Variants in TREM1 observed in about 807,000 individuals in gnomAD.
The protein encoded by TREM1 is triggering receptor expressed on monocytes 1.
A neutral mutation model predicts 22.4 loss-of-function variants in TREM1; 16 were observed. That is an observed-to-expected ratio of 0.71 (90% CI 0.48 to 1.08). The LOEUF (loss-of-function observed/expected upper bound fraction) is 1.08. Ranked by LOEUF, TREM1 falls within the 50% of genes least tolerant of loss-of-function variation. The pLI, the probability that TREM1 is intolerant of heterozygous loss-of-function variation, is 0.00. For missense variants in TREM1, 283 were observed against 282.9 expected (o/e 1.00, Z 0.00); for synonymous variants, 110 against 111.6 (o/e 0.99, Z 0.09).
intron 3 of TREM1, chr6:41,279,438 C>A: frequency 2.4e-6 from 2 of 817,058 alleles, no homozygotes; most frequent in Non-Finnish European, 3.0e-6. Context: ...CACTTAAGGC[C>A]CTCCTTCCGG....
chr6:41,280,501 A>G (rs1767860283), intron 3 of TREM1: 2 of 1,034,308 alleles, frequency 1.9e-6, no homozygotes, highest in South Asian at 3.9e-5. Context: ...TAGGTGGACA[A>G]TGTCTTCCAG....
intron 3 of TREM1, chr6:41,280,196 G>A: frequency 2.1e-6 from 2 of 965,056 alleles, no homozygotes; most frequent in Non-Finnish European, 2.5e-6. Context: ...GTGGTGATGT[G>A]GAAAAGTATT....
downstream of TREM1, among the ~76,000 whole-genome samples, chr6:41,270,664 A>G (rs1767457037): frequency 6.6e-6 from 1 of 152,072 alleles, no homozygotes; most frequent in South Asian, 2.1e-4. Context: ...TATTCCACAT[A>G]TGGTGGCCCA....
chr6:41,286,618 A>G lies in TREM1; in HGVS notation c.38T>C (p.Leu13Pro), dbSNP rs1489321882. The G allele has an allele frequency of 3.7e-6, 6 of 1,613,854 alleles. No homozygotes were observed. The highest frequency in any genetic ancestry group is 1.3e-5 in the African/African-American group (1 of 74,866). Reference sequence around the variant, plus strand: ...CTTCCTTGTCTTACCTGAGACAAAGAGCATCCACAGCAGCCCCCAGAGCCT... The same window carrying G: ...CTTCCTTGTCTTACCTGAGACAAAGGGCATCCACAGCAGCCCCCAGAGCCT... ...KTRLWGLLWM[L>P]FVSELRAATK... The change falls in exon 1 of 4, where the codon CTC becomes CCC. Residue 13 changes from leucine to proline, a missense_variant. Coordinates refer to ENST00000244709, the MANE Select transcript of TREM1 (RefSeq NM_018643.5).
intron 3 of TREM1, among the ~76,000 whole-genome samples, chr6:41,278,495 C>A (rs1323636707): frequency 6.6e-6 from 1 of 151,570 alleles, no homozygotes; most frequent in Non-Finnish European, 1.5e-5. Flanking sequence ...CACAGGGAGA[C>A]CCCCATCTCT....
intron 1 of TREM1, 110 bp downstream of exon 1, chr6:41,286,497 C>G (rs1325559655): frequency 9.0e-7 from 1 of 1,107,698 alleles, no homozygotes; most frequent in African/African-American, 1.6e-5. Flanking sequence ...GCCATAACTA[C>G]TGGTTGGCTC....
intron 1 of TREM1, among the ~76,000 whole-genome samples, chr6:41,286,392 T>G (rs1768170685): frequency 6.6e-6 from 1 of 152,234 alleles, no homozygotes; most frequent in African/African-American, 2.4e-5. Context: ...AACATCGACA[T>G]GCACAGACAT....
Position 41,282,725 on chromosome 6 carries a change from C to T in TREM1, c.76G>A (p.Glu26Lys), listed in dbSNP as rs753610746. ...SELRAATKLTEEKYELKEGQT... is the reference protein window; with the variant it reads ...SELRAATKLTKEKYELKEGQT... ...CCCTCTTTCAGTTCATACTTTTCCT[C>T]AGTTAATTTAGTTGCAGCTCGGAGT... is the stretch of plus-strand genomic sequence containing the variant. The change falls in exon 2 of 4, where the codon GAG becomes AAG. Residue 26 changes from glutamate to lysine, a missense_variant. By Grantham distance (56) the Glu-to-Lys change is moderately conservative. Transcript: ENST00000244709. 2 of 1,613,562 alleles carry T rather than the reference C, an allele frequency of 1.2e-6. No homozygotes were observed. Among genetic ancestry groups the T allele is most frequent in the South Asian group, 2.2e-5 (2 of 91,038 alleles).
intron 3 of TREM1, among the ~76,000 whole-genome samples, chr6:41,279,381 G>A (rs1475172131): frequency 6.6e-6 from 1 of 152,142 alleles, no homozygotes. Context: ...TACTTTGTGC[G>A]TCTTCTCCAA....
chr6:41,279,338 T>C (rs1414079886), intron 3 of TREM1, among the ~76,000 whole-genome samples: 1 of 152,242 alleles, frequency 6.6e-6, no homozygotes, highest in Non-Finnish European at 1.5e-5. Flanking sequence ...CTCGCTTAAA[T>C]AAATTCCTGC....
chr6:41,278,902 G>A (rs1046685439), intron 3 of TREM1, among the ~76,000 whole-genome samples: 1 of 152,162 alleles, frequency 6.6e-6, no homozygotes, highest in Non-Finnish European at 1.5e-5. Context: ...AAGAAATCTA[G>A]GATGGATTCG....
At chr6:41,284,951 G>A (rs1768096835) in intron 1 of TREM1, among the ~76,000 whole-genome samples, 1 of 150,954 alleles carries the variant, frequency 6.6e-6, no homozygotes. Context: ...GAGGCTGAGT[G>A]TTGTCTGAAA....
downstream of TREM1, chr6:41,269,803 C>A (rs1767427324): frequency 6.6e-6 from 1 of 152,238 alleles, no homozygotes; most frequent in Admixed American, 6.5e-5. Flanking sequence ...CATGAATGGG[C>A]AGATGGGGTC....
chr6:41,284,727 C>T (rs1768083385), intron 1 of TREM1, among the ~76,000 whole-genome samples: 1 of 152,182 alleles, frequency 6.6e-6, no homozygotes, highest in Admixed American at 6.5e-5. Flanking sequence ...CATGGAGCCC[C>T]CTGGCATGCC....
chr6:41,277,229 G>A (rs1767705879), intron 3 of TREM1, among the ~76,000 whole-genome samples: 1 of 152,180 alleles, frequency 6.6e-6, no homozygotes, highest in Non-Finnish European at 1.5e-5. Context: ...AAAGGAGCTA[G>A]AAAGCAGAAA....
intron 3 of TREM1, chr6:41,279,575 A>G: frequency 1.0e-6 from 1 of 985,482 alleles, no homozygotes; most frequent in Non-Finnish European, 1.2e-6. Flanking sequence ...AAGTTTAATG[A>G]GCACTTTGTT....
downstream of TREM1, among the ~76,000 whole-genome samples, chr6:41,271,499 T>C (rs1282016616): frequency 6.6e-6 from 1 of 152,210 alleles, no homozygotes; most frequent in African/African-American, 2.4e-5. Context: ...AAGTTTTGTT[T>C]TCATGTTACT....
chr6:41,281,120 G>A lies in TREM1; in HGVS notation c.440C>T (p.Ser147Phe), dbSNP rs369692442. Residue 147 changes from serine (S) to phenylalanine (F), a missense_variant, in exon 3 of 4, where the codon TCT becomes TTT. Physicochemically the swap from Ser to Phe is radical, Grantham distance 155. Coordinates refer to ENST00000244709, the MANE Select transcript of TREM1 (RefSeq NM_018643.5). ...FSGTPGSNEN[S>F]TQNVYKIPPT... ...AGGAATCTTATACACATTCTGGGTA[G>A]AATTCTCATTGGAGCCAGGGGTCCC... 6.7e-5 allele frequency: 108 copies of A among 1,614,020 alleles called. 1 individual carries two copies. In the Middle Eastern group the frequency reaches 9.9e-4, roughly 15 times the overall value.
intron 1 of TREM1, among the ~76,000 whole-genome samples, chr6:41,283,870 C>T (rs1012062102): frequency 2.0e-5 from 3 of 152,140 alleles, no homozygotes; most frequent in African/African-American, 7.2e-5. Context: ...CTGGGATTCA[C>T]AGGTCAATGA....
Sources: allele counts gnomAD v4.1 joint callset (sites outside exome capture counted in the v4.1 genomes callset), GRCh38; gene constraint gnomAD v4.1.1; transcripts MANE v1.5; gene names NCBI Gene and HGNC (gene_info 2026-07-23, HGNC 2026-07-21).